Variants in NREP observed in about 807,000 individuals in gnomAD.
The protein encoded by NREP is neuronal regeneration-related protein.
NREP carries 5 observed loss-of-function variants against 8.6 expected under a neutral mutation model. The observed-to-expected ratio is 0.58, with a 90% CI of 0.30 to 1.22. The LOEUF (loss-of-function observed/expected upper bound fraction) is 1.22. NREP is among the 50% of genes most tolerant of loss of function. The pLI, the probability that NREP is intolerant of heterozygous loss-of-function variation, is 0.07. For synonymous variants in NREP, 27 were observed against 28.0 expected, an observed-to-expected ratio of 0.96 and a Z score of 0.11; for missense variants, 86 against 82.5, an observed-to-expected ratio of 1.04 and a Z score of -0.17.
chr5:111,740,099 T>C (rs1197142835), intron 2 of NREP, among the ~76,000 whole-genome samples: 2 of 152,128 alleles, frequency 1.3e-5, no homozygotes, highest in African/African-American at 4.8e-5. Flanking sequence ...CTGGGGAAGT[T>C]TGAGTGTTTA....
chr5:111,885,839 T>C (rs1754230229), intron 2 of NREP, among the ~76,000 whole-genome samples: 1 of 152,194 alleles, frequency 6.6e-6, no homozygotes, highest in Non-Finnish European at 1.5e-5. Flanking sequence ...AATTAAAGAC[T>C]TAAACTTTAG....
rs1246869463 is a variant in NREP, at chr5:111,907,312, GTTTAATATT to G, written c.135+67953_135+67961del. Among the ~76,000 whole-genome samples the G allele has an allele frequency of 7.6e-4, 116 of 152,134 alleles. 1 individual carries two copies. The highest frequency in any genetic ancestry group is 2.6e-3 in the African/African-American group (110 of 41,522). ...CCTGTTATACTCTGGTACTTTTATA[GTTTAATATT>G]TTACTTTGGTCTATGATCCATTTCG... On this transcript the variant is annotated intron_variant, in intron 2 of 3. Transcript: ENST00000395634.
chr5:111,911,262 C>G (rs1268690496), intron 2 of NREP, among the ~76,000 whole-genome samples: 3 of 152,090 alleles, frequency 2.0e-5, no homozygotes, highest in African/African-American at 7.2e-5. Flanking sequence ...ATTACCAGTG[C>G]ATAGAACAGT....
chr5:111,807,378 A>C (rs542499686), intron 2 of NREP, among the ~76,000 whole-genome samples: 12 of 152,346 alleles, frequency 7.9e-5, no homozygotes, highest in African/African-American at 2.2e-4. Flanking sequence ...AGAATAACCA[A>C]TAAGCACTAA....
chr5:111,964,864 A>AT (rs1756591900), intron 2 of NREP, among the ~76,000 whole-genome samples: 1 of 108,544 alleles, frequency 9.2e-6, no homozygotes, highest in Non-Finnish European at 1.7e-5. Context: ...GCAAAAAAAA[A>AT]AAAAAAAAAA....
At chr5:111,864,381 A>G (rs539124659) in intron 2 of NREP, among the ~76,000 whole-genome samples, 101 of 152,308 alleles carry the variant, frequency 6.6e-4, no homozygotes, top group Non-Finnish European at 1.1e-3. Flanking sequence ...ATCTCATGGC[A>G]ATATATGAAT....
At chr5:111,794,782 C>T (rs894734205) in intron 2 of NREP, among the ~76,000 whole-genome samples, 1 of 151,962 alleles carries the variant, frequency 6.6e-6, no homozygotes, top group Non-Finnish European at 1.5e-5. Flanking sequence ...TGTCTATATC[C>T]GTAGAATGTG....
At chr5:111,877,129 G>C (rs917047632) in intron 2 of NREP, among the ~76,000 whole-genome samples, 1 of 152,062 alleles carries the variant, frequency 6.6e-6, no homozygotes, top group African/African-American at 2.4e-5. Context: ...AGTTACCTAA[G>C]CCAAATATTC....
rs1461933409 is a variant in NREP at position 111,730,666 on chromosome 5, G to A, written c.*255C>T. Reference sequence around the variant, plus strand: ...GGAAGACATTGTTGTAGCGAACCAGGCCTGAAGGCCCACCTGTAAGGGTTG... The same window carrying A: ...GGAAGACATTGTTGTAGCGAACCAGACCTGAAGGCCCACCTGTAAGGGTTG... On this transcript the variant is annotated 3_prime_UTR_variant, in exon 4 of 4. Transcript: ENST00000257435. 2.8e-6 allele frequency: 1 copy of A among 362,800 alleles called. No individual in the cohort carries two copies. Among genetic ancestry groups the A allele is most frequent in the Non-Finnish European group, 5.0e-6 (1 of 201,232 alleles). 22.5% of individuals were successfully genotyped at this position (362,800 alleles called of 1,614,324 possible).
At chr5:111,908,030 T>C (rs914694850) in intron 2 of NREP, among the ~76,000 whole-genome samples, 3 of 152,034 alleles carry the variant, frequency 2.0e-5, no homozygotes, top group Admixed American at 6.6e-5. Context: ...AGCTAGGAAA[T>C]TGATTTTGGA....
intron 2 of NREP, among the ~76,000 whole-genome samples, chr5:111,771,296 C>T (rs897366090): frequency 3.3e-5 from 5 of 152,112 alleles, no homozygotes; most frequent in African/African-American, 1.2e-4. Context: ...TTGAGTTAGG[C>T]ATTCGTTAAC....
At chr5:111,792,833 G>A (rs1027761578) in intron 2 of NREP, among the ~76,000 whole-genome samples, 1 of 152,176 alleles carries the variant, frequency 6.6e-6, no homozygotes, top group African/African-American at 2.4e-5. Context: ...CTTTATGTGT[G>A]TCATTTAAAA....
At chr5:111,825,917 T>C (rs1022691433) in intron 2 of NREP, among the ~76,000 whole-genome samples, 5 of 151,894 alleles carry the variant, frequency 3.3e-5, no homozygotes, top group African/African-American at 9.7e-5. Context: ...GCACTCTAAC[T>C]GCAAGGGAGT....
At chr5:111,737,725 A>AAC (rs1554094677) in intron 2 of NREP, among the ~76,000 whole-genome samples, 6 of 147,494 alleles carry the variant, frequency 4.1e-5, no homozygotes, top group African/African-American at 7.8e-5. Context: ...TAAAAAAAAA[A>AAC]AAAACAAAAA....
chr5:111,976,715 C>T, exon 1 of NREP: 6 of 1,550,382 alleles, frequency 3.9e-6, no homozygotes, highest in Non-Finnish European at 5.2e-6. Flanking sequence ...CATACCAAAG[C>T]AGAATAATTC....
Position 111,885,065 on chromosome 5 carries a change from C to T in NREP, c.135+90209G>A, listed in dbSNP as rs368043650. On this transcript the variant is annotated intron_variant, in intron 2 of 3. Coordinates refer to the NREP transcript ENST00000395634. The stretch of plus-strand genomic sequence containing the variant: ...TGTTTGCAGATGACATGATTGTATA[C>T]CTAGAAAACCCCATTGTCTCAGCCC... Among the ~76,000 whole-genome samples the T allele has an allele frequency of 3.4e-4, 51 of 152,082 alleles. 1 individual carries two copies. The highest frequency in any genetic ancestry group is 2.7e-3 in the East Asian group (14 of 5,166).
At chr5:111,867,299 G>A (rs1248290422) in intron 2 of NREP, among the ~76,000 whole-genome samples, 1 of 152,158 alleles carries the variant, frequency 6.6e-6, no homozygotes, top group Non-Finnish European at 1.5e-5. Flanking sequence ...GTGCCAGCAA[G>A]GTCAGGTTCT....
At chr5:111,731,748 C>A (rs1213307143) in intron 3 of NREP, 3 of 152,184 alleles carry the variant, frequency 2.0e-5, no homozygotes, top group Non-Finnish European at 4.4e-5. Context: ...TCCTCACAAT[C>A]CTGATGAGAA....
rs72782124 is a variant in NREP at position 111,849,694 on chromosome 5, T to C, written c.136-114187A>G. Among the ~76,000 whole-genome samples, 1,262 of 152,238 alleles carry C rather than the reference T, an allele frequency of 8.3e-3. 9 individuals are homozygous for C. The highest frequency in any genetic ancestry group is 0.013 in the Non-Finnish European group (900 of 68,004). On this transcript the variant is annotated intron_variant, in intron 2 of 3. Coordinates refer to the NREP transcript ENST00000395634. ...TTAGTGGTCCTTCCATATCATGCTT[T>C]ATTATATATAGTAAGAAGTTGAAAT... is the stretch of plus-strand genomic sequence containing the variant.
Sources: allele counts gnomAD v4.1 joint callset (sites outside exome capture counted in the v4.1 genomes callset), GRCh38; gene constraint gnomAD v4.1.1; transcripts MANE v1.5; gene names NCBI Gene and HGNC (gene_info 2026-07-23, HGNC 2026-07-21).